SGCZ: variants seen among roughly 807,000 people sequenced by gnomAD.
The protein encoded by SGCZ is zeta-sarcoglycan.
A neutral mutation model predicts 41.3 loss-of-function variants in SGCZ; 40 were observed. The observed-to-expected ratio is 0.97, with a 90% CI of 0.75 to 1.26. SGCZ has a LOEUF of 1.26. SGCZ is among the 50% of genes most tolerant of loss of function. The pLI is 0.00. For synonymous variants in SGCZ, 206 were observed against 137.5 expected (o/e 1.50, Z -3.49); for missense variants, 552 against 369.8 (o/e 1.49, Z -4.04).
In SGCZ at chr8:15,097,874, A is replaced by G. The variant is rs1207834535; in HGVS notation, c.39+139711T>C. ...TATATATACGTGTGTGTGTATATAT[A>G]TATATATACGTGTGTATATATATAT... On this transcript the variant is annotated intron_variant, in intron 1 of 7. Transcript: ENST00000382080. 4.6e-4 allele frequency among the ~76,000 whole-genome samples: 26 copies of G among 56,400 alleles called. 2 individuals carry two copies. Among genetic ancestry groups the G allele is most frequent in the African/African-American group, 1.6e-3 (25 of 15,786 alleles). The allele number at this position is 56,400 out of a possible 152,430, so 37.0% of individuals were successfully genotyped here. A position where few individuals can be genotyped will look rare whatever the true frequency, so the allele number is the denominator to read the frequency against.
intron 2 of SGCZ, among the ~76,000 whole-genome samples, chr8:14,507,670 C>T (rs1320137298): frequency 1.3e-5 from 2 of 152,162 alleles, no homozygotes; most frequent in African/African-American, 4.8e-5. Context: ...GTACTTTCTG[C>T]ATGGAATGCA....
chr8:14,729,930 C>T (rs78555737), intron 1 of SGCZ, among the ~76,000 whole-genome samples: 1 of 152,054 alleles, frequency 6.6e-6, no homozygotes, highest in African/African-American at 2.4e-5. Context: ...ACTAAAAATA[C>T]AGAAATTAGC....
At chr8:14,667,963 A>G (rs572664261) in intron 1 of SGCZ, among the ~76,000 whole-genome samples, 1 of 152,152 alleles carries the variant, frequency 6.6e-6, no homozygotes, top group East Asian at 1.9e-4. Context: ...TGGGTTATTT[A>G]TTTATTTATT....
chr8:15,107,835 A>G (rs1419647475), intron 1 of SGCZ, among the ~76,000 whole-genome samples: 1 of 152,170 alleles, frequency 6.6e-6, no homozygotes, highest in Admixed American at 6.5e-5. Context: ...TTCCATTGCC[A>G]TAGATCTCTT....
At chr8:15,234,434 A>C (rs1232809144) in intron 1 of SGCZ, among the ~76,000 whole-genome samples, 1 of 152,202 alleles carries the variant, frequency 6.6e-6, no homozygotes, top group Non-Finnish European at 1.5e-5. Context: ...TGGAGAGAGA[A>C]ACAGAGATCA....
chr8:15,154,481 G>C (rs756705240), intron 1 of SGCZ, among the ~76,000 whole-genome samples: 1 of 152,200 alleles, frequency 6.6e-6, no homozygotes, highest in African/African-American at 2.4e-5. Context: ...AGGGTCACCA[G>C]AGAGGGGACA....
chr8:14,562,343 G>A (rs1215426031), intron 1 of SGCZ, among the ~76,000 whole-genome samples: 1 of 152,082 alleles, frequency 6.6e-6, no homozygotes, highest in Non-Finnish European at 1.5e-5. Context: ...CAAGATTGAT[G>A]CATTATGAAT....
intron 1 of SGCZ, among the ~76,000 whole-genome samples, chr8:14,842,213 G>A (rs946718032): frequency 1.3e-5 from 2 of 152,144 alleles, no homozygotes; most frequent in African/African-American, 4.8e-5. Flanking sequence ...AGAGAGCAGT[G>A]ATTAGCAAAT....
chr8:14,903,720 G>A (rs1193493871), intron 1 of SGCZ, among the ~76,000 whole-genome samples: 3 of 151,978 alleles, frequency 2.0e-5, no homozygotes, highest in Non-Finnish European at 4.4e-5. Context: ...GTTTTTAAGA[G>A]CAGTGTATAG....
At chr8:14,443,513 T>C (rs1563333026) in intron 2 of SGCZ, among the ~76,000 whole-genome samples, 1 of 152,106 alleles carries the variant, frequency 6.6e-6, no homozygotes, top group Non-Finnish European at 1.5e-5. Context: ...ACCGCATATC[T>C]ACAACTATCT....
intron 1 of SGCZ, among the ~76,000 whole-genome samples, chr8:15,062,700 T>C (rs563814452): frequency 6.6e-6 from 1 of 152,312 alleles, no homozygotes; most frequent in African/African-American, 2.4e-5. Context: ...GCAGTTATTT[T>C]GAGAATAAAT....
chr8:14,864,825 T>A (rs1222404213), intron 1 of SGCZ, among the ~76,000 whole-genome samples: 1 of 152,096 alleles, frequency 6.6e-6, no homozygotes, highest in Non-Finnish European at 1.5e-5. Flanking sequence ...CTTATCCTCA[T>A]CAGTGTTTGT....
At chr8:15,116,702 G>A (rs570658198) in intron 1 of SGCZ, among the ~76,000 whole-genome samples, 12 of 152,180 alleles carry the variant, frequency 7.9e-5, no homozygotes, top group African/African-American at 2.9e-4. Flanking sequence ...TTACACCAAA[G>A]ACAGTGAAAA....
At chr8:15,180,438 A>G in intron 1 of SGCZ, among the ~76,000 whole-genome samples, 1 of 152,228 alleles carries the variant, frequency 6.6e-6, no homozygotes, top group East Asian at 1.9e-4. Context: ...ATGTCCTAAA[A>G]GGAAGACTTA....
At chr8:14,288,611 T>G (rs185631633) in intron 3 of SGCZ, among the ~76,000 whole-genome samples, 9 of 152,206 alleles carry the variant, frequency 5.9e-5, no homozygotes, top group African/African-American at 1.9e-4. Context: ...TATTATGTAA[T>G]AGTATTTCAA....
At chr8:15,107,374 T>C (rs1354827168) in intron 1 of SGCZ, among the ~76,000 whole-genome samples, 1 of 152,192 alleles carries the variant, frequency 6.6e-6, no homozygotes, top group African/African-American at 2.4e-5. Flanking sequence ...TTTTGGGTCA[T>C]GGGAGGAGAT....
rs944278077 is a variant in SGCZ at position 14,690,135 on chromosome 8, C to T, written c.40-135209G>A. ...TCTCTTTTTTTTTTTTTTTTAAAGT[C>T]CATGGACTTCTAAAGAGGTTATTTT... On this transcript the variant is annotated intron_variant, in intron 1 of 7. Transcript: ENST00000382080. 3.4e-5 allele frequency among the ~76,000 whole-genome samples: 5 copies of T among 145,414 alleles called. No homozygotes were observed. The East Asian group carries it at 8.0e-4, about 23-fold the overall frequency.
intron 3 of SGCZ, among the ~76,000 whole-genome samples, chr8:14,316,207 G>GA: frequency 6.6e-6 from 1 of 151,836 alleles, no homozygotes; most frequent in Non-Finnish European, 1.5e-5. Flanking sequence ...AATATTAAGG[G>GA]AAAAGTGAGA....
At chr8:14,813,584 A>G (rs568093355) in intron 1 of SGCZ, among the ~76,000 whole-genome samples, 1 of 152,348 alleles carries the variant, frequency 6.6e-6, no homozygotes, top group Admixed American at 6.5e-5. Context: ...CTGAAATTCC[A>G]GCTCCAGTAC....
Sources: gnomAD v4.1 joint callset for allele counts (sites outside exome capture counted in the v4.1 genomes callset) on GRCh38, gnomAD v4.1.1 for gene constraint, MANE v1.5 for transcripts, NCBI Gene and HGNC (gene_info 2026-07-23, HGNC 2026-07-21) for gene names.